The following CTSS variants were observed in gnomAD, a reference collection of about 807,000 sequenced individuals.
The protein encoded by CTSS is cathepsin S.
Under a neutral mutation model 39.9 loss-of-function variants are expected in CTSS, and 15 were observed. The observed-to-expected ratio is 0.38, with a 90% confidence interval of 0.25 to 0.58. The LOEUF (loss-of-function observed/expected upper bound fraction) is 0.58. Ranked by LOEUF, CTSS falls within the 20% of genes least tolerant of loss-of-function variation. The pLI is 0.70. For missense variants in CTSS, 250 were observed against 398.2 expected (o/e 0.63, Z 3.17); for synonymous variants, 126 against 138.2 (o/e 0.91, Z 0.62).
At chr1:150,747,260 G>A (rs1304442228) in intron 7 of CTSS, among the ~76,000 whole-genome samples, 2 of 152,120 alleles carry the variant, frequency 1.3e-5, no homozygotes, top group African/African-American at 4.8e-5. Context: ...GGGGGAGAGA[G>A]TACTGAATTA....
chr1:150,748,686 A>G (rs2101918155), intron 6 of CTSS, among the ~76,000 whole-genome samples: 1 of 151,646 alleles, frequency 6.6e-6, no homozygotes, highest in East Asian at 1.9e-4. Flanking sequence ...GGCTCCAGTC[A>G]TCCTCCTGAT....
intron 7 of CTSS, among the ~76,000 whole-genome samples, chr1:150,740,893 C>A (rs958218020): frequency 8.0e-4 from 121 of 151,106 alleles, no homozygotes; most frequent in Non-Finnish European, 3.4e-4. Context: ...TCACTATGTT[C>A]CCCATGCTGG....
chr1:150,743,666 AATATATT>A (rs1652825184), intron 7 of CTSS, among the ~76,000 whole-genome samples: 1 of 89,454 alleles, frequency 1.1e-5, no homozygotes, highest in African/African-American at 3.8e-5. Context: ...ATGTATACAT[AATATATT>A]ATATATTATA....
intron 6 of CTSS, chr1:150,748,407 T>C (rs1202349859): frequency 6.6e-6 from 1 of 152,146 alleles, no homozygotes; most frequent in Non-Finnish European, 1.5e-5. Context: ...ACTCCAGTCA[T>C]AGTTCCCCCA....
intron 2 of CTSS, among the ~76,000 whole-genome samples, chr1:150,763,134 T>C (rs1303909216): frequency 2.0e-5 from 3 of 151,972 alleles, no homozygotes; most frequent in Non-Finnish European, 4.4e-5. Flanking sequence ...TCTGTCATTT[T>C]CAACAACATG....
At chr1:150,758,919 G>C (rs2101925554) in intron 2 of CTSS, among the ~76,000 whole-genome samples, 1 of 150,140 alleles carries the variant, frequency 6.7e-6, no homozygotes, top group Non-Finnish European at 1.5e-5. Context: ...TATGATCATA[G>C]CTCACTACAG....
At chr1:150,763,525 T>C (rs1653305948) in intron 2 of CTSS, among the ~76,000 whole-genome samples, 1 of 152,162 alleles carries the variant, frequency 6.6e-6, no homozygotes, top group Admixed American at 6.5e-5. Context: ...CTGCAATGTA[T>C]ATTTGTATCA....
chr1:150,732,930 G>A lies in CTSS; in HGVS notation c.*116C>T, dbSNP rs756789016. On this transcript the variant is annotated 3_prime_UTR_variant, in exon 8 of 8. Transcript: ENST00000368985. ...GGCCTCAAACTATATTTTCTAATTAGTACAGTAAATACACATTAATCATGA... is the reference window on the plus strand; with the variant it reads ...GGCCTCAAACTATATTTTCTAATTAATACAGTAAATACACATTAATCATGA... 1.3e-6 allele frequency: 1 copy of A among 767,214 alleles called. No individual in the cohort carries two copies. The highest frequency in any genetic ancestry group is 2.1e-6 in the Non-Finnish European group (1 of 473,060). The allele number at this position is 767,214 out of a possible 1,614,324, so 47.5% of individuals were successfully genotyped here. A position where few individuals can be genotyped will look rare whatever the true frequency, so the allele number is the denominator to read the frequency against.
chr1:150,759,946 G>C (rs1451552887), intron 2 of CTSS, among the ~76,000 whole-genome samples: 1 of 151,882 alleles, frequency 6.6e-6, no homozygotes, highest in Non-Finnish European at 1.5e-5. Context: ...GACATAATGG[G>C]CATGCATGAT....
chr1:150,740,406 CAG>C (rs1346358741), intron 7 of CTSS, among the ~76,000 whole-genome samples: 2 of 151,658 alleles, frequency 1.3e-5, no homozygotes, highest in African/African-American at 4.8e-5. Context: ...TTTTTTGAGA[CAG>C]AGTCTCGCTC....
chr1:150,745,831 A>G (rs1221704364), intron 7 of CTSS, among the ~76,000 whole-genome samples: 1 of 151,860 alleles, frequency 6.6e-6, no homozygotes, highest in Non-Finnish European at 1.5e-5. Context: ...TTTTTTTTTT[A>G]ATTAAAAGAA....
chr1:150,756,440 A>G (rs1212683163), intron 3 of CTSS, among the ~76,000 whole-genome samples: 4 of 152,248 alleles, frequency 2.6e-5, no homozygotes, highest in Admixed American at 2.6e-4. Flanking sequence ...AGCATTTTGT[A>G]CTGTGCAAAA....
In CTSS at chr1:150,752,100, G is replaced by T. The variant is rs1368544890; in HGVS notation, c.400-92C>A. ...AACTGGACAACGCTCAGCTACATCA[G>T]TTCTGTCCCTAGTTCCCAGAAAGAG... is the stretch of plus-strand genomic sequence containing the variant. On this transcript the variant is annotated intron_variant, in intron 4 of 7. Transcript: ENST00000368985. 10 of 1,286,352 alleles carry T rather than the reference G, an allele frequency of 7.8e-6. No individual in the cohort carries two copies. The Admixed American group carries it at 2.2e-4, about 28-fold the overall frequency. The allele number at this position is 1,286,352 out of a possible 1,614,324, so 79.7% of individuals were successfully genotyped here.
chr1:150,755,202 G>A (rs1236283807), intron 3 of CTSS, 52 bp from the exon 4 acceptor site: 2 of 1,580,426 alleles, frequency 1.3e-6, no homozygotes, highest in Non-Finnish European at 1.7e-6. Context: ...AATATGTTCT[G>A]AGAAATGCAT....
intron 7 of CTSS, among the ~76,000 whole-genome samples, chr1:150,743,315 T>C (rs1431278752): frequency 6.6e-6 from 1 of 151,664 alleles, no homozygotes; most frequent in African/African-American, 2.4e-5. Context: ...GGAAACTTGA[T>C]TCAAATAGTG....
chr1:150,738,778 C>T (rs985901517), intron 7 of CTSS, among the ~76,000 whole-genome samples: 6 of 152,068 alleles, frequency 3.9e-5, no homozygotes, highest in African/African-American at 1.4e-4. Flanking sequence ...AGATGGTGAA[C>T]TTAACTGATA....
chr1:150,759,148 G>A (rs145322857), intron 2 of CTSS, among the ~76,000 whole-genome samples: 1 of 151,836 alleles, frequency 6.6e-6, no homozygotes, highest in Non-Finnish European at 1.5e-5. Context: ...GGGATTACAG[G>A]CATGAACCAT....
intron 5 of CTSS, among the ~76,000 whole-genome samples, chr1:150,750,634 A>C (rs1652989441): frequency 6.6e-6 from 1 of 152,162 alleles, no homozygotes. Flanking sequence ...TTTTGTATTT[A>C]TTTATATTAT....
At chr1:150,747,978 A>G (rs1395513490) in intron 6 of CTSS, 99 bp from the exon 7 acceptor site, 3 of 777,538 alleles carry the variant, frequency 3.9e-6, no homozygotes, top group Non-Finnish European at 6.5e-6. Context: ...CTTTGGATAC[A>G]TAGCAAGGTT....
Sources: gnomAD v4.1 joint callset for allele counts (sites outside exome capture counted in the v4.1 genomes callset) on GRCh38, gnomAD v4.1.1 for gene constraint, MANE v1.5 for transcripts, NCBI Gene and HGNC (gene_info 2026-07-23, HGNC 2026-07-21) for gene names.